The following ATP9A variants were observed in gnomAD, a reference collection of about 807,000 sequenced individuals.
ATP9A encodes probable phospholipid-transporting ATPase IIA.
ATP9A carries 52 observed loss-of-function variants against 144.1 expected under a neutral mutation model. The ratio of observed to expected loss-of-function variants is 0.36; its 90% CI spans 0.29 to 0.45. The LOEUF (loss-of-function observed/expected upper bound fraction) is 0.45, where lower values mean the gene tolerates loss of function less well. Among genes scored for constraint, ATP9A ranks in the 20% least tolerant of loss-of-function variants. The probability of loss-of-function intolerance (pLI) is 1.00; values close to 1 mark genes in which losing one functional copy is unlikely to be tolerated. For missense variants in ATP9A, 947 were observed against 1,392.7 expected, an observed-to-expected ratio of 0.68 and a Z score of 5.09; for synonymous variants, 582 against 557.4, an observed-to-expected ratio of 1.04 and a Z score of -0.62.
intron 13 of ATP9A, 92 bp from the exon 14 acceptor site, chr20:51,657,242 T>C (rs1215961169): frequency 9.4e-7 from 1 of 1,065,338 alleles, no homozygotes; most frequent in South Asian, 1.5e-5. Flanking sequence ...GTTTCTTTTT[T>C]CTACTGTTCC....
At chr20:51,673,893 T>C (rs1360820593) in intron 11 of ATP9A, among the ~76,000 whole-genome samples, 1 of 151,812 alleles carries the variant, frequency 6.6e-6, no homozygotes, top group Non-Finnish European at 1.5e-5. Flanking sequence ...TTACTAAAAA[T>C]ACAAAAATTA....
rs1391982813 is a variant in ATP9A, at chr20:51,712,983, C to G, written c.419G>C (p.Ser140Thr). The change falls in exon 4 of 28, where the codon AGC (serine) becomes ACC (threonine). Residue 140 changes from serine to threonine, a missense_variant. By Grantham distance (58) the Ser-to-Thr change is moderately conservative. Coordinates refer to ENST00000338821, the MANE Select transcript of ATP9A (RefSeq NM_006045.3). ...AGGCTGACCTCGTGCTGTGAGCCGGCTGTAGACCTGGGAGTTGACTTCCTT... is the reference window on the plus strand; with the variant it reads ...AGGCTGACCTCGTGCTGTGAGCCGGGTGTAGACCTGGGAGTTGACTTCCTT... The part of the protein sequence containing the change: ...RDKEVNSQVY[S>T]RLTARGTVKV... The G allele has an allele frequency of 1.2e-6, 2 of 1,611,834 alleles. No individual in the cohort carries two copies. The highest frequency in any genetic ancestry group is 2.7e-5 in the African/African-American group (2 of 75,006).
chr20:51,623,801 A>AAAAGAAAGAAAGAAAGAAAG (rs71192537), intron 18 of ATP9A, among the ~76,000 whole-genome samples: 14 of 133,418 alleles, frequency 1.0e-4, no homozygotes, highest in African/African-American at 3.9e-4. Flanking sequence ...AAAAAAAAAA[A>AAAAGAAAGAAAGAAAGAAAG]AAAGAAAGAA....
At chr20:51,717,238 C>G (rs1257585104) in intron 3 of ATP9A, among the ~76,000 whole-genome samples, 1 of 150,960 alleles carries the variant, frequency 6.6e-6, no homozygotes, top group African/African-American at 2.4e-5. Flanking sequence ...TTCAGAACTG[C>G]TGCACTTAAG....
At chr20:51,680,788 G>A (rs565612261) in intron 9 of ATP9A, among the ~76,000 whole-genome samples, 1 of 152,074 alleles carries the variant, frequency 6.6e-6, no homozygotes, top group African/African-American at 2.4e-5. Flanking sequence ...TAGAATCAGA[G>A]GGCAATTAGA....
chr20:51,725,915 G>C lies in ATP9A; in HGVS notation c.231C>G (p.Phe77Leu), dbSNP rs1345076373. The change falls in exon 3 of 28, where the codon TTC becomes TTG. Residue 77 changes from phenylalanine (F) to leucine (L), a missense_variant. Phe to Leu is a conservative substitution (Grantham distance 22, BLOSUM62 0). Transcript: ENST00000338821. ...TFLPGVLFNQFKYFFNLYFLL... is the reference protein window; with the variant it reads ...TFLPGVLFNQLKYFFNLYFLL... Reference sequence around the variant, plus strand: ...AGAAATAGAGGTTGAAAAAGTATTTGAACTGGTTGAACAGCACCTGGAATG... The same window carrying C: ...AGAAATAGAGGTTGAAAAAGTATTTCAACTGGTTGAACAGCACCTGGAATG... 1.2e-6 allele frequency: 2 copies of C among 1,608,656 alleles called. No individual in the cohort carries two copies. Among genetic ancestry groups the C allele is most frequent in the Non-Finnish European group, 1.7e-6 (2 of 1,175,018 alleles).
At chr20:51,749,066 A>G (rs1282663803) in intron 1 of ATP9A, among the ~76,000 whole-genome samples, 1 of 152,196 alleles carries the variant, frequency 6.6e-6, no homozygotes, top group African/African-American at 2.4e-5. Context: ...AAGGCATTAA[A>G]ATAATGATCA....
chr20:51,606,809 T>C (rs980823671), intron 26 of ATP9A, among the ~76,000 whole-genome samples: 1 of 151,746 alleles, frequency 6.6e-6, no homozygotes, highest in Non-Finnish European at 1.5e-5. Flanking sequence ...CCTGGGGAGG[T>C]CGAGGCTACG....
In ATP9A at chr20:51,757,344, C is replaced by G. The variant is rs570741010; in HGVS notation, c.68+10958G>C. On this transcript the variant is annotated intron_variant, in intron 1 of 27. Coordinates refer to ENST00000338821, the MANE Select transcript of ATP9A (RefSeq NM_006045.3). Reference sequence around the variant, plus strand: ...CAAGCCTGACTTTATCTCATCACTGCAAACTGCCCGTGGCACGTGGGAGAT... The same window carrying G: ...CAAGCCTGACTTTATCTCATCACTGGAAACTGCCCGTGGCACGTGGGAGAT... 4.6e-5 allele frequency among the ~76,000 whole-genome samples: 7 copies of G among 152,268 alleles called. No individual in the cohort carries two copies. In the South Asian group the frequency reaches 1.4e-3, roughly 32 times the overall value.
chr20:51,675,821 A>C (rs1296334810), intron 10 of ATP9A, among the ~76,000 whole-genome samples: 2 of 151,526 alleles, frequency 1.3e-5, no homozygotes, highest in Admixed American at 6.6e-5. Context: ...CAGAGGTTAC[A>C]GTGAGCCAAA....
intron 14 of ATP9A, among the ~76,000 whole-genome samples, chr20:51,642,221 C>A (rs2077322568): frequency 1.3e-5 from 2 of 151,998 alleles, no homozygotes. Context: ...GTGGTGCGAT[C>A]TCGGCTCATT....
chr20:51,696,231 C>A, intron 5 of ATP9A, 87 bp from the exon 6 acceptor site: 1 of 1,251,782 alleles, frequency 8.0e-7, no homozygotes, highest in South Asian at 1.3e-5. Context: ...CCACCCCCAA[C>A]CCCTCGGTGG....
At chr20:51,738,010 AAGACTC>A (rs1208483897) in intron 1 of ATP9A, among the ~76,000 whole-genome samples, 1 of 151,820 alleles carries the variant, frequency 6.6e-6, no homozygotes, top group Admixed American at 6.6e-5. Context: ...GCAACATAGC[AAGACTC>A]AGCCTCTAAA....
chr20:51,605,416 G>C (rs1388445459), intron 26 of ATP9A, among the ~76,000 whole-genome samples: 1 of 152,180 alleles, frequency 6.6e-6, no homozygotes, highest in Admixed American at 6.5e-5. Flanking sequence ...TCAGGAGTCT[G>C]AGACCAGCTT....
intron 3 of ATP9A, among the ~76,000 whole-genome samples, chr20:51,718,804 G>A (rs1309831439): frequency 1.3e-5 from 1 of 78,762 alleles, no homozygotes; most frequent in Non-Finnish European, 2.5e-5. Context: ...AACAGAGCAA[G>A]ACTCCATCTC....
chr20:51,683,967 C>T (rs2077511393), intron 9 of ATP9A, among the ~76,000 whole-genome samples: 1 of 151,910 alleles, frequency 6.6e-6, no homozygotes, highest in Admixed American at 6.6e-5. Flanking sequence ...AAACAGAAAC[C>T]ACAAAGAAAC....
chr20:51,710,975 T>C lies in ATP9A; in HGVS notation c.436+1991A>G, dbSNP rs2077636050. Among the ~76,000 whole-genome samples, 4 of 152,296 alleles carry C rather than the reference T, an allele frequency of 2.6e-5. No individual in the cohort carries two copies. The South Asian group carries it at 8.3e-4, about 32-fold the overall frequency. ...GCACTCTCTCCGATGGGGCTTTTGT[T>C]GGTTGCCAAGCGTTTTAAATGTTAT... On this transcript the variant is annotated intron_variant, in intron 4 of 27. Coordinates refer to ENST00000338821, the MANE Select transcript of ATP9A (RefSeq NM_006045.3).
rs769363154 is a variant in ATP9A, at chr20:51,604,875, C to T, written c.2949G>A (p.Ala983=). ...IQTWHWLMTV[A]ELLSLACYIA... is the part of the protein sequence containing the mutation. ...TGTAGCAGGCCAGGCTGAGCAGCTC[C>T]GCCACTGTCATGAGCCAGTGCCAGG... The change falls in exon 27 of 28, where the codon GCG becomes GCA. Residue 983 remains alanine (A), a synonymous_variant. Transcript: ENST00000338821. The T allele has an allele frequency of 2.9e-5, 46 of 1,595,138 alleles. No individual in the cohort carries two copies. The highest frequency in any genetic ancestry group is 3.8e-5 in the Non-Finnish European group (45 of 1,170,316).
At chr20:51,671,360 C>G (rs2077455321) in intron 11 of ATP9A, 103 bp from the exon 12 acceptor site, 1 of 1,365,224 alleles carries the variant, frequency 7.3e-7, no homozygotes, top group African/African-American at 1.4e-5. Flanking sequence ...CGCATCCGGA[C>G]TCACTCCCTG....
Sources: gnomAD v4.1 joint callset for allele counts (sites outside exome capture counted in the v4.1 genomes callset) on GRCh38, gnomAD v4.1.1 for gene constraint, MANE v1.5 for transcripts, NCBI Gene and HGNC (gene_info 2026-07-23, HGNC 2026-07-21) for gene names.